The following VPS13B variants were observed in gnomAD, a reference collection of about 807,000 sequenced individuals.
The protein encoded by VPS13B is intermembrane lipid transfer protein VPS13B.
A neutral mutation model predicts 426.4 loss-of-function variants in VPS13B; 285 were observed. That is an observed-to-expected ratio of 0.67 (90% CI 0.61 to 0.74). VPS13B has a LOEUF of 0.74. Among genes scored for constraint, VPS13B ranks in the 30% least tolerant of loss-of-function variants. The probability of loss-of-function intolerance (pLI) is 0.00; values close to 1 mark genes in which losing one functional copy is unlikely to be tolerated. For missense variants in VPS13B, 4,537 were observed against 4,782.6 expected, an observed-to-expected ratio of 0.95 and a Z score of 1.51; for synonymous variants, 1,676 against 1,676.4, an observed-to-expected ratio of 1.00 and a Z score of 0.01.
chr8:99,369,170 TCAC>T (rs775547700), intron 19 of VPS13B, among the ~76,000 whole-genome samples: 6 of 152,216 alleles, frequency 3.9e-5, no homozygotes, highest in Admixed American at 6.5e-5. Context: ...TTTCCCACTA[TCAC>T]CACAAGATTC....
intron 17 of VPS13B, chr8:99,233,516 G>C: frequency 1.7e-6 from 2 of 1,205,344 alleles, no homozygotes; most frequent in African/African-American, 3.0e-5. Flanking sequence ...GAATGCTGAT[G>C]CGGGAACGGG....
chr8:99,730,705 A>G (rs531624781), intron 39 of VPS13B, among the ~76,000 whole-genome samples: 23 of 145,386 alleles, frequency 1.6e-4, no homozygotes, highest in Admixed American at 1.2e-3. Flanking sequence ...ACCTCCTGAA[A>G]GGTACCTGTA....
chr8:99,641,695 A>T (rs1420831276), intron 33 of VPS13B, 116 bp from the exon 34 acceptor site: 1 of 1,005,594 alleles, frequency 9.9e-7, no homozygotes, highest in Non-Finnish European at 1.4e-6. Flanking sequence ...TACTGTTTTA[A>T]GTTATACTAG....
intron 3 of VPS13B, among the ~76,000 whole-genome samples, chr8:99,089,703 A>AC (rs1225539849): frequency 6.6e-6 from 1 of 152,164 alleles, no homozygotes; most frequent in African/African-American, 2.4e-5. Flanking sequence ...TTCAGAAAGA[A>AC]TAGATTGTAA....
chr8:99,269,657 C>CT, intron 17 of VPS13B, among the ~76,000 whole-genome samples: 1 of 152,166 alleles, frequency 6.6e-6, no homozygotes, highest in East Asian at 1.9e-4. Flanking sequence ...CTTATTTGCT[C>CT]TTTTTGTTTC....
intron 25 of VPS13B, among the ~76,000 whole-genome samples, chr8:99,483,973 A>G (rs1012476372): frequency 3.3e-5 from 5 of 152,078 alleles, no homozygotes; most frequent in Non-Finnish European, 5.9e-5. Context: ...ATAAAATAAA[A>G]ACATGCCCTA....
chr8:99,864,272 G>A (rs919852861), intron 58 of VPS13B, among the ~76,000 whole-genome samples: 4 of 152,202 alleles, frequency 2.6e-5, no homozygotes, highest in East Asian at 1.9e-4. Flanking sequence ...AATCCAGGCC[G>A]GGTACATGGC....
intron 17 of VPS13B, among the ~76,000 whole-genome samples, chr8:99,229,821 G>A (rs1309555071): frequency 6.6e-6 from 1 of 152,132 alleles, no homozygotes; most frequent in African/African-American, 2.4e-5. Context: ...AAATAGCATT[G>A]GGAGGTCAGT....
At chr8:99,752,013 A>C (rs538416404) in intron 39 of VPS13B, among the ~76,000 whole-genome samples, 2 of 152,220 alleles carry the variant, frequency 1.3e-5, no homozygotes, top group African/African-American at 4.8e-5. Flanking sequence ...GGAGACAACT[A>C]TCTGTCTTCG....
At chr8:99,246,922 T>C (rs959857864) in intron 17 of VPS13B, among the ~76,000 whole-genome samples, 2 of 152,306 alleles carry the variant, frequency 1.3e-5, no homozygotes, top group East Asian at 3.9e-4. Context: ...TGTTTGTTGG[T>C]ACTTTAGGCA....
intron 30 of VPS13B, among the ~76,000 whole-genome samples, chr8:99,554,693 A>G (rs946460065): frequency 2.6e-5 from 4 of 152,124 alleles, no homozygotes; most frequent in Non-Finnish European, 5.9e-5. Context: ...GTGATCAGGA[A>G]AAGCTTCATA....
chr8:99,850,873 C>G (rs1169807159), intron 55 of VPS13B, among the ~76,000 whole-genome samples: 1 of 152,114 alleles, frequency 6.6e-6, no homozygotes, highest in Admixed American at 6.5e-5. Context: ...TTGTAGTGAG[C>G]CAAGATCATG....
chr8:99,235,282 A>G (rs964680993), intron 17 of VPS13B, among the ~76,000 whole-genome samples: 8 of 152,214 alleles, frequency 5.3e-5, no homozygotes, highest in Non-Finnish European at 8.8e-5. Context: ...GTACCATGCT[A>G]TCGTATTAAA....
intron 15 of VPS13B, among the ~76,000 whole-genome samples, chr8:99,167,921 T>C (rs1055651572): frequency 1.3e-5 from 2 of 152,156 alleles, no homozygotes; most frequent in Admixed American, 1.3e-4. Context: ...CTATCCTTCA[T>C]GAAAGCAACT....
At chr8:99,238,945 G>A (rs142162242) in intron 17 of VPS13B, among the ~76,000 whole-genome samples, 56 of 152,232 alleles carry the variant, frequency 3.7e-4, no homozygotes, top group African/African-American at 1.3e-3. Flanking sequence ...ACTGAGAGAG[G>A]AAGGTATTTA....
Position 99,121,998 on chromosome 8 carries a change from C to T in VPS13B, c.1206+553C>T, listed in dbSNP as rs953970149. 3.3e-5 allele frequency among the ~76,000 whole-genome samples: 5 copies of T among 150,918 alleles called. No homozygotes were observed. The East Asian group carries it at 7.7e-4, about 23-fold the overall frequency. On this transcript the variant is annotated intron_variant, in intron 8 of 61. Coordinates refer to ENST00000357162, the MANE Select transcript of VPS13B (RefSeq NM_152564.5). ...TCCCGAGCAGCTGGGACTACAGGCA[C>T]GTGCCACTGTGCCCAGCTAATTTTT...
At chr8:99,796,458 C>T (rs1199608153) in intron 43 of VPS13B, among the ~76,000 whole-genome samples, 4 of 151,398 alleles carry the variant, frequency 2.6e-5, no homozygotes, top group East Asian at 1.9e-4. Context: ...GAAAGAAATG[C>T]GAGATTGATG....
intron 19 of VPS13B, among the ~76,000 whole-genome samples, chr8:99,321,362 C>T (rs899253516): frequency 6.6e-6 from 1 of 151,924 alleles, no homozygotes; most frequent in Admixed American, 6.6e-5. Flanking sequence ...GGTGGCACCA[C>T]CACGCCCAGC....
At chr8:99,301,920 C>T (rs78329567) in intron 19 of VPS13B, among the ~76,000 whole-genome samples, 9,589 of 152,222 alleles carry the variant, frequency 0.063, 410 homozygotes, top group African/African-American at 0.12. Flanking sequence ...AGCCACTGCA[C>T]CCAGGCTAAA....
Sources: allele counts gnomAD v4.1 joint callset (sites outside exome capture counted in the v4.1 genomes callset), GRCh38; gene constraint gnomAD v4.1.1; transcripts MANE v1.5; gene names NCBI Gene and HGNC (gene_info 2026-07-23, HGNC 2026-07-21).